Variants in TG observed in about 807,000 individuals in gnomAD.
The protein encoded by TG is thyroglobulin.
Under a neutral mutation model 324.7 loss-of-function variants are expected in TG, and 270 were observed. That is an observed-to-expected ratio of 0.83 (90% CI 0.75 to 0.92). The LOEUF (loss-of-function observed/expected upper bound fraction) is 0.92, where lower values mean the gene tolerates loss of function less well. Among genes scored for constraint, TG ranks in the 40% least tolerant of loss-of-function variants. The probability of loss-of-function intolerance (pLI) is 0.00; values close to 1 mark genes in which losing one functional copy is unlikely to be tolerated. For missense variants in TG, 3,591 were observed against 3,456.4 expected, an observed-to-expected ratio of 1.04 and a Z score of -0.98; for synonymous variants, 1,401 against 1,327.0, an observed-to-expected ratio of 1.06 and a Z score of -1.21.
chr8:132,901,663 G>A, intron 16 of TG, 110 bp downstream of exon 16: 1 of 1,196,560 alleles, frequency 8.4e-7, no homozygotes, highest in South Asian at 1.5e-5. Context: ...GGGGAGGCAG[G>A]AAGTGCAGGA....
chr8:133,039,868 G>A, intron 41 of TG: 1 of 1,451,192 alleles, frequency 6.9e-7, no homozygotes. Flanking sequence ...CCCAGTTTCA[G>A]CAGGGCTGGC....
intron 26 of TG, among the ~76,000 whole-genome samples, chr8:132,946,057 CACACACACACACACA>C (rs1421367190): frequency 2.0e-5 from 3 of 151,910 alleles, no homozygotes; most frequent in Non-Finnish European, 4.4e-5. Flanking sequence ...CACACACACA[CACACACACACACACA>C]CCCTATATTT....
At chr8:133,035,393 T>C (rs1179011560) in intron 41 of TG, among the ~76,000 whole-genome samples, 2 of 152,228 alleles carry the variant, frequency 1.3e-5, no homozygotes, top group African/African-American at 4.8e-5. Flanking sequence ...TGGAAGATTC[T>C]GACTCTGAAA....
chr8:133,045,072 G>T (rs779537816), intron 41 of TG: 5 of 1,614,044 alleles, frequency 3.1e-6, no homozygotes, highest in African/African-American at 2.7e-5. Flanking sequence ...GGAAAATGCG[G>T]TAATGCTTTA....
intron 10 of TG, among the ~76,000 whole-genome samples, chr8:132,888,971 T>G (rs765152511): frequency 1.3e-5 from 2 of 152,194 alleles, no homozygotes; most frequent in Non-Finnish European, 2.9e-5. Flanking sequence ...AATTGACCAA[T>G]GAATATTACA....
At chr8:133,126,918 A>G (rs1372749439) in intron 45 of TG, among the ~76,000 whole-genome samples, 1 of 152,162 alleles carries the variant, frequency 6.6e-6, no homozygotes, top group Non-Finnish European at 1.5e-5. Context: ...GGATAAAAAA[A>G]AGGGAGTATA....
At chr8:133,082,147 G>A (rs909458886) in intron 41 of TG, among the ~76,000 whole-genome samples, 3 of 152,166 alleles carry the variant, frequency 2.0e-5, no homozygotes, top group African/African-American at 7.2e-5. Flanking sequence ...GGTGTTGGTG[G>A]TGTTGGGTGT....
chr8:133,053,549 G>C (rs4736619), intron 41 of TG, among the ~76,000 whole-genome samples: 1 of 152,040 alleles, frequency 6.6e-6, no homozygotes, highest in Non-Finnish European at 1.5e-5. Flanking sequence ...TGCAAAAAAC[G>C]TGTTGAAATG....
intron 34 of TG, among the ~76,000 whole-genome samples, chr8:132,980,094 G>C (rs538631408): frequency 6.6e-6 from 1 of 152,182 alleles, no homozygotes; most frequent in East Asian, 1.9e-4. Flanking sequence ...TGGGGAAGGA[G>C]CCTCTAAGTC....
chr8:133,126,944 G>A (rs933765941), intron 45 of TG, among the ~76,000 whole-genome samples: 2 of 152,162 alleles, frequency 1.3e-5, no homozygotes, highest in Admixed American at 6.5e-5. Flanking sequence ...TGGGGATGAG[G>A]TCAACAGACT....
chr8:132,981,878 T>C (rs1830902190), intron 34 of TG, among the ~76,000 whole-genome samples: 1 of 152,122 alleles, frequency 6.6e-6, no homozygotes, highest in South Asian at 2.1e-4. Context: ...GGCTCTAGAA[T>C]GCAAAGAGGC....
chr8:132,962,597 T>C (rs1271554743), intron 28 of TG, among the ~76,000 whole-genome samples: 1 of 152,246 alleles, frequency 6.6e-6, no homozygotes, highest in East Asian at 1.9e-4. Flanking sequence ...ATTGTTAAAA[T>C]TTCTAATTCA....
At chr8:132,902,713 A>G (rs1818100626) in intron 16 of TG, among the ~76,000 whole-genome samples, 1 of 152,194 alleles carries the variant, frequency 6.6e-6, no homozygotes, top group Non-Finnish European at 1.5e-5. Flanking sequence ...GATACAATCA[A>G]CATCCAACTT....
In TG at chr8:132,893,875, G is replaced by C. The variant is rs775142424; in HGVS notation, c.2947G>C (p.Ala983Pro). Residue 983 changes from alanine (A) to proline (P), a missense_variant, in exon 11 of 48, where the codon GCG becomes CCG. Transcript: ENST00000220616. ...GCTCTTCCCGCCCCGGGAGGCTTTC[G>C]CGGAGCAGTTTCTGCGTGGGAGTGA... ...PPLFPPREAFAEQFLRGSDYA... is the reference protein window; with the variant it reads ...PPLFPPREAFPEQFLRGSDYA... 6.2e-7 allele frequency: 1 copy of C among 1,614,046 alleles called. No homozygotes were observed. Among genetic ancestry groups the C allele is most frequent in the Non-Finnish European group, 8.5e-7 (1 of 1,179,952 alleles).
chr8:132,900,090 A>T, intron 14 of TG, 147 bp from the exon 15 acceptor site: 1 of 695,506 alleles, frequency 1.4e-6, no homozygotes, highest in Non-Finnish European at 2.6e-6. Flanking sequence ...GGAACAGGAG[A>T]GCACCTCTCC....
chr8:133,011,584 C>T (rs1435444151), intron 35 of TG, among the ~76,000 whole-genome samples: 2 of 152,142 alleles, frequency 1.3e-5, no homozygotes, highest in African/African-American at 4.8e-5. Flanking sequence ...ACAATTATAT[C>T]ATGATGTTTT....
chr8:132,906,148 G>A (rs570905978), intron 16 of TG, among the ~76,000 whole-genome samples: 1 of 152,184 alleles, frequency 6.6e-6, no homozygotes, highest in Non-Finnish European at 1.5e-5. Flanking sequence ...TGGCAGTTCA[G>A]GCAGAAAATG....
At chr8:132,976,559 C>T (rs563158146) in intron 34 of TG, among the ~76,000 whole-genome samples, 1 of 152,216 alleles carries the variant, frequency 6.6e-6, no homozygotes, top group South Asian at 2.1e-4. Flanking sequence ...CTGCAATCTC[C>T]TCTCCCCAAG....
chr8:132,974,873 G>A (rs974459189), intron 34 of TG, among the ~76,000 whole-genome samples: 1 of 152,124 alleles, frequency 6.6e-6, no homozygotes, highest in African/African-American at 2.4e-5. Flanking sequence ...CAACTTCATG[G>A]AAGATGTTTC....
Sources: gnomAD v4.1 joint callset for allele counts (sites outside exome capture counted in the v4.1 genomes callset) on GRCh38, gnomAD v4.1.1 for gene constraint, MANE v1.5 for transcripts, NCBI Gene and HGNC (gene_info 2026-07-23, HGNC 2026-07-21) for gene names.